PLA2G4F: variants seen among roughly 807,000 people sequenced by gnomAD.
The protein encoded by PLA2G4F is phospholipase A2 group IVF.
Under a neutral mutation model 103.1 loss-of-function variants are expected in PLA2G4F, and 105 were observed. The ratio of observed to expected loss-of-function variants is 1.02; its 90% CI spans 0.87 to 1.20. PLA2G4F has a LOEUF of 1.20. PLA2G4F is among the 50% of genes most tolerant of loss of function. The probability of loss-of-function intolerance (pLI) is 0.00; values close to 1 mark genes in which losing one functional copy is unlikely to be tolerated. For synonymous variants in PLA2G4F, 468 were observed against 441.1 expected, an observed-to-expected ratio of 1.06 and a Z score of -0.76; for missense variants, 1,155 against 1,075.9, an observed-to-expected ratio of 1.07 and a Z score of -1.03.
Position 42,141,389 on chromosome 15 carries a change from T to C in PLA2G4F, c.*595A>G. The stretch of plus-strand genomic sequence containing the variant: ...TAGGGCGCTGGGAAGAGAAGGGTGA[T>C]CTGGGAGGAGGCACGAGGAGACCAG... On this transcript the variant is annotated 3_prime_UTR_variant, in exon 20 of 20. Coordinates refer to ENST00000397272, the MANE Select transcript of PLA2G4F (RefSeq NM_213600.4). The C allele has an allele frequency of 2.2e-6, 1 of 456,388 alleles. No homozygotes were observed. The allele number at this position is 456,388 out of a possible 1,614,324, so 28.3% of individuals were successfully genotyped here.
intron 12 of PLA2G4F, 134 bp downstream of exon 12, chr15:42,147,492 A>G: frequency 7.3e-7 from 1 of 1,377,540 alleles, no homozygotes; most frequent in Non-Finnish European, 1.0e-6. Flanking sequence ...CTTGGGACTC[A>G]GCCTCTTCCT....
rs1049143707 is a variant in PLA2G4F, at chr15:42,141,709, G to A, written c.*275C>T. 1.2e-5 allele frequency: 7 copies of A among 569,708 alleles called. No homozygotes were observed. The highest frequency in any genetic ancestry group is 4.5e-5 in the Admixed American group (2 of 44,774). 35.3% of individuals were successfully genotyped at this position (569,708 alleles called of 1,614,324 possible). ...GCTCACCTGATTCTCTCCACACCCCGCTGTGAAATGAGTGCTGTTCTCTTC... is the reference window on the plus strand; with the variant it reads ...GCTCACCTGATTCTCTCCACACCCCACTGTGAAATGAGTGCTGTTCTCTTC... On this transcript the variant is annotated 3_prime_UTR_variant, in exon 20 of 20. Coordinates refer to ENST00000397272, the MANE Select transcript of PLA2G4F (RefSeq NM_213600.4).
At position 42,142,728 on chromosome 15, in the gene PLA2G4F, A is replaced by G. The variant is rs2048838307; in HGVS notation, c.2143-14T>C. The G allele has an allele frequency of 6.2e-7, 1 of 1,613,474 alleles. No homozygotes were observed. The highest frequency in any genetic ancestry group is 8.5e-7 in the Non-Finnish European group (1 of 1,179,882). ...CATCTTCAAGACCTGAGCAGGAGCA[A>G]GCCTCTGACTCTGCCTTTCCTCCAC... On this transcript the variant is annotated splice_polypyrimidine_tract_variant and intron_variant, in intron 18 of 19. Transcript: ENST00000397272.
At position 42,142,059 on chromosome 15, in the gene PLA2G4F, G is replaced by A; in HGVS notation, c.2475C>T (p.Asn825=). 6.2e-7 allele frequency: 1 copy of A among 1,614,194 alleles called. No individual in the cohort carries two copies. The highest frequency in any genetic ancestry group is 8.5e-7 in the Non-Finnish European group (1 of 1,180,040). The change falls in exon 20 of 20, where the codon AAC becomes AAT. Residue 825 remains asparagine, a synonymous_variant. Coordinates refer to ENST00000397272, the MANE Select transcript of PLA2G4F (RefSeq NM_213600.4). ...LVALSRYNVL[N]NVETLKCALQ... ...GGGCGCACTTCAAGGTCTCCACGTT[G>A]TTCAGGACGTTGTATCGACTGAGGG...
intron 1 of PLA2G4F, among the ~76,000 whole-genome samples, 154 bp downstream of exon 1, chr15:42,156,285 A>C (rs1299747229): frequency 6.6e-6 from 1 of 152,198 alleles, no homozygotes; most frequent in Non-Finnish European, 1.5e-5. Context: ...TTTAAGAGCC[A>C]AGGTCTAATT....
chr15:42,149,242 G>C, intron 11 of PLA2G4F: 3 of 875,796 alleles, frequency 3.4e-6, no homozygotes, highest in Non-Finnish European at 4.1e-6. Context: ...AGGTAATAAA[G>C]GTGAAGTGAG....
chr15:42,147,324 C>G lies in PLA2G4F; in HGVS notation c.1219G>C (p.Asp407His). The change falls in exon 13 of 20, where the codon GAC (aspartate) becomes CAC (histidine). Residue 407 changes from aspartate to histidine, a missense_variant. Coordinates refer to ENST00000397272, the MANE Select transcript of PLA2G4F (RefSeq NM_213600.4). ...AAGGCCACCTGGGACCAGGCTGGGT[C>G]CCTGTAGAGTGTGGAGATGCACCTG... Reference protein sequence around the residue: ...STWCISTLYRDPAWSQVALQG... With the variant: ...STWCISTLYRHPAWSQVALQG... The G allele has an allele frequency of 6.2e-7, 1 of 1,608,352 alleles. No individual in the cohort carries two copies. The highest frequency in any genetic ancestry group is 8.5e-7 in the Non-Finnish European group (1 of 1,179,906).
intron 11 of PLA2G4F, chr15:42,148,659 C>A (rs2048919232): frequency 1.2e-5 from 12 of 985,388 alleles, no homozygotes; most frequent in Non-Finnish European, 1.4e-5. Flanking sequence ...CAGCAAGCAG[C>A]CTAGACCTGC....
At chr15:42,153,582 T>A (rs761510300) in intron 5 of PLA2G4F, 38 bp downstream of exon 5, 55 of 1,612,688 alleles carry the variant, frequency 3.4e-5, no homozygotes, top group Middle Eastern at 1.6e-4. Flanking sequence ...GACTCAAATC[T>A]CTGAGTCTCT....
Position 42,154,743 on chromosome 15 carries a change from TC to T in PLA2G4F, c.185-286del, listed in dbSNP as rs373789168. Among the ~76,000 whole-genome samples, 1,216 of 152,086 alleles carry T rather than the reference TC, an allele frequency of 8.0e-3. 8 individuals are homozygous for T. Among genetic ancestry groups the T allele is most frequent in the Middle Eastern group, 0.037 (11 of 294 alleles). ...CTACTGCCTGATTCAGGCAGTAAAA[TC>T]CCCTCCCTGTGTGGGCACTGGCATG... On this transcript the variant is annotated intron_variant, in intron 2 of 19. Coordinates refer to ENST00000397272, the MANE Select transcript of PLA2G4F (RefSeq NM_213600.4).
At position 42,141,867 on chromosome 15, in the gene PLA2G4F, G is replaced by T; in HGVS notation, c.*117C>A. The T allele has an allele frequency of 9.0e-7, 1 of 1,112,764 alleles. No individual in the cohort carries two copies. Among genetic ancestry groups the T allele is most frequent in the Non-Finnish European group, 1.3e-6 (1 of 776,252 alleles). The allele number at this position is 1,112,764 out of a possible 1,614,324, so 68.9% of individuals were successfully genotyped here. On this transcript the variant is annotated 3_prime_UTR_variant, in exon 20 of 20. Coordinates refer to ENST00000397272, the MANE Select transcript of PLA2G4F (RefSeq NM_213600.4). ...CGGGGCCTGGGGCACCTCGAGGCAG[G>T]TCCTGGAGAGAAGGGAAGCAGATCC...
At chr15:42,152,165 C>G (rs942906026) in intron 7 of PLA2G4F, among the ~76,000 whole-genome samples, 2 of 152,224 alleles carry the variant, frequency 1.3e-5, no homozygotes, top group Admixed American at 1.3e-4. Context: ...CAGCTCCTCC[C>G]GCTAAAGAGG....
At chr15:42,148,205 A>T (rs1281335106) in intron 11 of PLA2G4F, among the ~76,000 whole-genome samples, 2 of 151,444 alleles carry the variant, frequency 1.3e-5, no homozygotes, top group African/African-American at 4.9e-5. Flanking sequence ...AAAAAGAGAG[A>T]ACCCCATTTT....
chr15:42,150,246 T>A, intron 9 of PLA2G4F, 105 bp from the exon 10 acceptor site: 1 of 1,564,064 alleles, frequency 6.4e-7, no homozygotes, highest in Non-Finnish European at 8.8e-7. Flanking sequence ...TCTGGCCCGA[T>A]GTGGACATCA....
chr15:42,145,958 G>A, intron 14 of PLA2G4F, 55 bp from the exon 15 acceptor site: 1 of 1,603,336 alleles, frequency 6.2e-7, no homozygotes, highest in Non-Finnish European at 8.5e-7. Flanking sequence ...CGGTGCTTGT[G>A]CCCAAGCAGG....
chr15:42,154,020 C>T (rs2048986352), intron 4 of PLA2G4F, 72 bp downstream of exon 4: 6 of 1,602,138 alleles, frequency 3.7e-6, no homozygotes, highest in Non-Finnish European at 4.3e-6. Context: ...CGACCAGAGC[C>T]CCCTCTTTGG....
At chr15:42,152,428 C>T (rs2048970232) in intron 7 of PLA2G4F, among the ~76,000 whole-genome samples, 1 of 152,204 alleles carries the variant, frequency 6.6e-6, no homozygotes, top group Non-Finnish European at 1.5e-5. Flanking sequence ...TTGTGTGAGC[C>T]AAATAAATGC....
intron 16 of PLA2G4F, 101 bp from the exon 17 acceptor site, chr15:42,144,745 C>T: frequency 8.3e-7 from 1 of 1,207,554 alleles, no homozygotes. Flanking sequence ...AGTGAGCCCT[C>T]CCCACATCCC....
chr15:42,147,034 A>G, intron 13 of PLA2G4F, 90 bp downstream of exon 13: 8 of 1,265,284 alleles, frequency 6.3e-6, no homozygotes, highest in Non-Finnish European at 8.8e-6. Context: ...TTTGTAAATC[A>G]GATCTTAGCC....
Sources: gnomAD v4.1 joint callset for allele counts (sites outside exome capture counted in the v4.1 genomes callset) on GRCh38, gnomAD v4.1.1 for gene constraint, MANE v1.5 for transcripts, NCBI Gene and HGNC (gene_info 2026-07-23, HGNC 2026-07-21) for gene names.